PCDH9: variants seen among roughly 807,000 people sequenced by gnomAD.
The protein encoded by PCDH9 is protocadherin-9.
In PCDH9, 24 loss-of-function variants were observed where a neutral mutation model predicts 70.6. The ratio of observed to expected loss-of-function variants is 0.34; its 90% CI spans 0.25 to 0.48. The LOEUF (loss-of-function observed/expected upper bound fraction) is 0.48, where lower values mean the gene tolerates loss of function less well. Among genes scored for constraint, PCDH9 ranks in the 20% least tolerant of loss-of-function variants. The probability of loss-of-function intolerance (pLI) is 0.99; values close to 1 mark genes in which losing one functional copy is unlikely to be tolerated. For synonymous variants in PCDH9, 562 were observed against 558.5 expected (o/e 1.01, Z -0.09); for missense variants, 1,281 against 1,503.6 (o/e 0.85, Z 2.45).
chr13:66,786,424 A>G (rs2080081032), intron 3 of PCDH9, among the ~76,000 whole-genome samples: 1 of 152,198 alleles, frequency 6.6e-6, no homozygotes, highest in Non-Finnish European at 1.5e-5. Context: ...ACTCCTATGC[A>G]TCAAGAAAAC....
chr13:66,801,262 T>C (rs1156499804), intron 3 of PCDH9, among the ~76,000 whole-genome samples: 2 of 152,158 alleles, frequency 1.3e-5, no homozygotes, highest in East Asian at 3.8e-4. Flanking sequence ...TTCACTGTAC[T>C]GTGCTGGAAT....
Position 66,772,233 on chromosome 13 carries a change from T to C in PCDH9, c.3138+131271A>G, listed in dbSNP as rs180954105. Among the ~76,000 whole-genome samples, 4 of 152,318 alleles carry C rather than the reference T, an allele frequency of 2.6e-5. No individual in the cohort carries two copies. The East Asian group carries it at 7.7e-4, about 29-fold the overall frequency. On this transcript the variant is annotated intron_variant, in intron 3 of 4. Coordinates refer to ENST00000377865, the MANE Select transcript of PCDH9 (RefSeq NM_203487.3). ...CTGATCAGATTTGCTCTAGCAATCATCCTGTGTGCCTCAAGACACCTGCAG... is the reference window on the plus strand; with the variant it reads ...CTGATCAGATTTGCTCTAGCAATCACCCTGTGTGCCTCAAGACACCTGCAG...
intron 2 of PCDH9, among the ~76,000 whole-genome samples, chr13:66,913,620 C>T (rs2082508282): frequency 6.6e-6 from 1 of 151,922 alleles, no homozygotes; most frequent in Non-Finnish European, 1.5e-5. Context: ...TCTGCTTATC[C>T]AAGTCGAAAA....
intron 2 of PCDH9, among the ~76,000 whole-genome samples, chr13:67,062,848 A>G (rs1446756330): frequency 6.6e-6 from 1 of 152,162 alleles, no homozygotes; most frequent in Non-Finnish European, 1.5e-5. Context: ...GAAAAATAGG[A>G]TATATTCATT....
chr13:66,893,495 A>G (rs1192464110), intron 3 of PCDH9, among the ~76,000 whole-genome samples: 1 of 152,180 alleles, frequency 6.6e-6, no homozygotes, highest in African/African-American at 2.4e-5. Flanking sequence ...TCAACCATAA[A>G]TAAGAAGCCA....
chr13:66,554,176 T>A (rs1170312186), intron 4 of PCDH9, among the ~76,000 whole-genome samples: 1 of 152,118 alleles, frequency 6.6e-6, no homozygotes, highest in Non-Finnish European at 1.5e-5. Context: ...CAATTGCTAA[T>A]CAATAGTAAT....
chr13:66,760,123 T>C (rs2139246646), intron 3 of PCDH9, among the ~76,000 whole-genome samples: 1 of 152,184 alleles, frequency 6.6e-6, no homozygotes, highest in East Asian at 1.9e-4. Context: ...ATAGTATTTT[T>C]GGTTGCCGGT....
intron 4 of PCDH9, among the ~76,000 whole-genome samples, chr13:66,435,291 C>CA (rs1004993896): frequency 2.6e-5 from 4 of 151,976 alleles, no homozygotes; most frequent in Non-Finnish European, 5.9e-5. Flanking sequence ...TTGAGAAAGG[C>CA]AAAATAGGAT....
At chr13:66,444,890 C>G (rs1487578707) in intron 4 of PCDH9, among the ~76,000 whole-genome samples, 1 of 151,598 alleles carries the variant, frequency 6.6e-6, no homozygotes, top group African/African-American at 2.4e-5. Flanking sequence ...GAACTGGAGC[C>G]AAGAGCAGTA....
rs71677008 is a variant in PCDH9, at chr13:66,559,817, A to AAATATATAT, written c.3340+71392_3340+71393insATATATATT. 1.3e-3 allele frequency among the ~76,000 whole-genome samples: 117 copies of AAATATATAT among 93,032 alleles called. 1 individual carries two copies. The highest frequency in any genetic ancestry group is 4.8e-3 in the African/African-American group (108 of 22,722). The allele number at this position is 93,032 out of a possible 152,430, so 61.0% of individuals were successfully genotyped here. ...TCCATCTCAAAAAAAAAAAAAAAAA[A>AAATATATAT]ATATATATATATATATACACACACA... is the stretch of plus-strand genomic sequence containing the variant. On this transcript the variant is annotated intron_variant, in intron 4 of 4. Transcript: ENST00000377865.
intron 3 of PCDH9, among the ~76,000 whole-genome samples, chr13:66,828,691 A>G (rs1427245758): frequency 6.6e-6 from 1 of 152,142 alleles, no homozygotes; most frequent in East Asian, 1.9e-4. Flanking sequence ...AAAAAGAGAC[A>G]GAGAGAGGGA....
intron 4 of PCDH9, among the ~76,000 whole-genome samples, chr13:66,468,319 C>A (rs1958554614): frequency 6.6e-6 from 1 of 152,086 alleles, no homozygotes; most frequent in South Asian, 2.1e-4. Context: ...TTCTCACTAT[C>A]TTTCCTGTCA....
chr13:66,705,876 C>T (rs1376407245), intron 3 of PCDH9, among the ~76,000 whole-genome samples: 4 of 152,134 alleles, frequency 2.6e-5, no homozygotes, highest in Non-Finnish European at 4.4e-5. Context: ...TATTCAATTG[C>T]TCATTACTGA....
At chr13:66,407,786 A>G (rs1957304792) in intron 4 of PCDH9, among the ~76,000 whole-genome samples, 1 of 152,168 alleles carries the variant, frequency 6.6e-6, no homozygotes, top group Non-Finnish European at 1.5e-5. Context: ...ATTTAAAATA[A>G]AACAAATTTT....
At chr13:66,644,209 G>C (rs545406162) in intron 3 of PCDH9, among the ~76,000 whole-genome samples, 1 of 151,510 alleles carries the variant, frequency 6.6e-6, no homozygotes. Context: ...ATAATTAAAA[G>C]AAATATTTTA....
chr13:67,117,414 G>A (rs541931402), intron 2 of PCDH9, among the ~76,000 whole-genome samples: 3 of 152,116 alleles, frequency 2.0e-5, no homozygotes, highest in Non-Finnish European at 4.4e-5. Context: ...TATCCAAGTG[G>A]AAGTAAGGGA....
chr13:66,378,884 C>G (rs193093321), intron 4 of PCDH9, among the ~76,000 whole-genome samples: 1 of 152,196 alleles, frequency 6.6e-6, no homozygotes, highest in Admixed American at 6.5e-5. Context: ...TCATTCAATT[C>G]TGTGAACCTG....
chr13:66,991,238 T>C (rs918588382), intron 2 of PCDH9: 1 of 152,056 alleles, frequency 6.6e-6, no homozygotes, highest in Non-Finnish European at 1.5e-5. Flanking sequence ...GTAAGATCAA[T>C]CCATTACTAT....
intron 2 of PCDH9, among the ~76,000 whole-genome samples, chr13:67,068,362 C>A (rs1011446337): frequency 2.6e-5 from 4 of 151,802 alleles, no homozygotes; most frequent in Non-Finnish European, 5.9e-5. Flanking sequence ...CTTTGCATGA[C>A]ACATGGAATA....
Sources: gnomAD v4.1 joint callset for allele counts (sites outside exome capture counted in the v4.1 genomes callset) on GRCh38, gnomAD v4.1.1 for gene constraint, MANE v1.5 for transcripts, NCBI Gene and HGNC (gene_info 2026-07-23, HGNC 2026-07-21) for gene names.